The following FRAS1 variants were observed in gnomAD, a reference collection of about 807,000 sequenced individuals.
FRAS1 encodes the protein Fraser extracellular matrix complex subunit 1.
A neutral mutation model predicts 435.2 loss-of-function variants in FRAS1; 290 were observed. The observed-to-expected ratio is 0.67, with a 90% CI of 0.61 to 0.73. The LOEUF is 0.73. Ranked by LOEUF, FRAS1 falls within the 30% of genes least tolerant of loss-of-function variation. The pLI is 0.00. For missense variants in FRAS1, 4,860 were observed against 5,001.5 expected (o/e 0.97, Z 0.85); for synonymous variants, 1,800 against 1,851.0 (o/e 0.97, Z 0.71).
intron 2 of FRAS1, among the ~76,000 whole-genome samples, chr4:78,144,173 A>T (rs1437689682): frequency 2.0e-5 from 3 of 151,912 alleles, no homozygotes; most frequent in African/African-American, 7.2e-5. Context: ...AGACAAAAAA[A>T]CTCAAGAAGA....
At chr4:78,236,275 A>G (rs912265740) in intron 2 of FRAS1, among the ~76,000 whole-genome samples, 1 of 133,394 alleles carries the variant, frequency 7.5e-6, no homozygotes, top group Non-Finnish European at 1.6e-5. Context: ...AAGATGAGCC[A>G]TGAAATAGTT....
chr4:78,455,770 T>C (rs1483368249), intron 47 of FRAS1, among the ~76,000 whole-genome samples: 1 of 152,180 alleles, frequency 6.6e-6, no homozygotes, highest in Non-Finnish European at 1.5e-5. Flanking sequence ...CGCTGTCTTT[T>C]CAAGATTGAG....
chr4:78,207,596 C>T (rs770829922), intron 2 of FRAS1, among the ~76,000 whole-genome samples: 4 of 152,166 alleles, frequency 2.6e-5, no homozygotes, highest in Non-Finnish European at 5.9e-5. Flanking sequence ...TCCCAGTCAT[C>T]TGTGAGGCAA....
At chr4:78,356,324 A>G (rs1730855775) in intron 20 of FRAS1, among the ~76,000 whole-genome samples, 1 of 152,042 alleles carries the variant, frequency 6.6e-6, no homozygotes, top group South Asian at 2.1e-4. Flanking sequence ...ATGATTTCCT[A>G]GTATTTTTAC....
Position 78,387,437 on chromosome 4 carries a change from CACCCAGATGCTTG to C in FRAS1, c.3714_3726del (p.Gln1239SerfsTer14). The C allele has an allele frequency of 6.2e-7, 1 of 1,613,748 alleles. No homozygotes were observed. Among genetic ancestry groups the C allele is most frequent in the Non-Finnish European group, 8.5e-7 (1 of 1,179,756 alleles). On this transcript the variant is annotated frameshift_variant, in exon 29 of 74. Transcript: ENST00000512123. LOFTEE classifies it high-confidence loss of function. ...GCAGAGGAGAGAGGGCAACCATCAC[CACCCAGATGCTTG>C]ACATCCGAGATGATGACAACCCACA...
At chr4:78,257,315 G>C (rs1022561001) in intron 6 of FRAS1, among the ~76,000 whole-genome samples, 3 of 152,030 alleles carry the variant, frequency 2.0e-5, no homozygotes, top group African/African-American at 7.3e-5. Flanking sequence ...ATACTGGCTG[G>C]TGCAAAAGTA....
intron 2 of FRAS1, among the ~76,000 whole-genome samples, chr4:78,143,544 G>A (rs889270632): frequency 8.6e-5 from 13 of 152,044 alleles, no homozygotes; most frequent in Admixed American, 7.2e-4. Context: ...TCAAGTGCAT[G>A]TTGTACTGTT....
At chr4:78,437,762 AATC>A (rs1294800773) in intron 38 of FRAS1, among the ~76,000 whole-genome samples, 4 of 152,354 alleles carry the variant, frequency 2.6e-5, no homozygotes, top group Middle Eastern at 3.4e-3. Flanking sequence ...CCATTTTCAC[AATC>A]AACAGCCCTA....
At chr4:78,112,304 C>G (rs1372082879) in intron 2 of FRAS1, among the ~76,000 whole-genome samples, 1 of 152,076 alleles carries the variant, frequency 6.6e-6, no homozygotes, top group East Asian at 1.9e-4. Context: ...GGGAACCTGG[C>G]TTTTTAAAAG....
chr4:78,079,796 C>T (rs912087008), intron 2 of FRAS1, among the ~76,000 whole-genome samples: 4 of 152,060 alleles, frequency 2.6e-5, no homozygotes, highest in East Asian at 3.9e-4. Flanking sequence ...GATCATACCC[C>T]GAGGTAAAAT....
intron 53 of FRAS1, among the ~76,000 whole-genome samples, chr4:78,475,196 A>G (rs1446533691): frequency 6.6e-6 from 1 of 152,188 alleles, no homozygotes; most frequent in African/African-American, 2.4e-5. Context: ...AATGACTCTT[A>G]GCTTGCTTGC....
chr4:78,362,034 A>C (rs541884601), intron 20 of FRAS1, among the ~76,000 whole-genome samples: 55 of 152,352 alleles, frequency 3.6e-4, no homozygotes, highest in African/African-American at 1.3e-3. Context: ...GTTCTTTATT[A>C]AAGAATGACT....
rs1257340958 is a variant in FRAS1, at chr4:78,148,262, T to G, written c.108+82246T>G. Reference sequence around the variant, plus strand: ...TAGCTTAAGGACCATCTGATTAAAATTTTAAGTTTTATTGATGAAGAAATT... The same window carrying G: ...TAGCTTAAGGACCATCTGATTAAAAGTTTAAGTTTTATTGATGAAGAAATT... On this transcript the variant is annotated intron_variant, in intron 2 of 73. Coordinates refer to ENST00000512123, the MANE Select transcript of FRAS1 (RefSeq NM_025074.7). 3.3e-5 allele frequency among the ~76,000 whole-genome samples: 5 copies of G among 152,128 alleles called. No homozygotes were observed. In the East Asian group the frequency reaches 9.6e-4, roughly 29 times the overall value.
At position 78,489,054 on chromosome 4, in the gene FRAS1, C is replaced by A; in HGVS notation, c.8932C>A (p.Arg2978=). 11 of 1,613,224 alleles carry A rather than the reference C, an allele frequency of 6.8e-6. No individual in the cohort carries two copies. Among genetic ancestry groups the A allele is most frequent in the Middle Eastern group, 1.7e-4 (1 of 6,052 alleles). Residue 2978 remains arginine (R), a synonymous_variant, in exon 59 of 74, where the codon CGG becomes AGG. Coordinates refer to ENST00000512123, the MANE Select transcript of FRAS1 (RefSeq NM_025074.7). The part of the protein sequence containing the change: ...FEERQNADSS[R]ITFLKGDKVK... ...GGAGAGACAAAATGCAGACTCTTCA[C>A]GGATTACATTTCTCAAAGGGGACAA...
Position 78,466,371 on chromosome 4 carries a change from G to C in FRAS1, c.7193G>C (p.Arg2398Pro), listed in dbSNP as rs535524052. 37 of 1,613,828 alleles carry C rather than the reference G, an allele frequency of 2.3e-5. No homozygotes were observed. The highest frequency in any genetic ancestry group is 3.0e-5 in the Non-Finnish European group (35 of 1,179,864). The change falls in exon 50 of 74, where the codon CGG becomes CCG. Residue 2398 changes from arginine (R) to proline (P), a missense_variant. By Grantham distance (103) the Arg-to-Pro change is moderately radical. Transcript: ENST00000512123. The part of the protein sequence containing the change: ...SHDGSNSLKD[R>P]FTFTVSDGTN... ...GACGGCAGTAACTCCCTCAAGGACC[G>C]GTTCACCTTCACTGTTTCTGATGGG...
intron 38 of FRAS1, among the ~76,000 whole-genome samples, chr4:78,434,655 A>T (rs561512165): frequency 1.1e-4 from 17 of 152,298 alleles, no homozygotes; most frequent in African/African-American, 4.1e-4. Flanking sequence ...TCTCTTGACA[A>T]AAAGTATTAG....
chr4:78,115,329 T>C (rs1049402168), intron 2 of FRAS1, among the ~76,000 whole-genome samples: 1 of 152,216 alleles, frequency 6.6e-6, no homozygotes, highest in South Asian at 2.1e-4. Context: ...GGTATCAGGA[T>C]GATGCTGGCC....
intron 1 of FRAS1, among the ~76,000 whole-genome samples, chr4:78,064,033 T>A (rs941357916): frequency 6.6e-6 from 1 of 151,800 alleles, no homozygotes; most frequent in African/African-American, 2.4e-5. Context: ...AGTACACACA[T>A]CACACACATA....
intron 38 of FRAS1, among the ~76,000 whole-genome samples, chr4:78,433,455 T>C (rs13434905): frequency 0.31 from 46,679 of 152,080 alleles, 7,455 homozygotes; most frequent in Non-Finnish European, 0.36. Context: ...AGACTTTTAT[T>C]TTTTTAATGC....
Sources: allele counts gnomAD v4.1 joint callset (sites outside exome capture counted in the v4.1 genomes callset), GRCh38; gene constraint gnomAD v4.1.1; transcripts MANE v1.5; gene names NCBI Gene and HGNC (gene_info 2026-07-23, HGNC 2026-07-21).